The following RNF212 variants were observed in gnomAD, a reference collection of about 807,000 sequenced individuals.
The protein encoded by RNF212 is probable E3 SUMO-protein ligase RNF212.
RNF212 carries 33 observed loss-of-function variants against 34.7 expected under a neutral mutation model. The observed-to-expected ratio is 0.95, with a 90% CI of 0.72 to 1.27. The LOEUF (loss-of-function observed/expected upper bound fraction) is 1.27. RNF212 is among the 50% of genes most tolerant of loss of function. RNF212 has a pLI of 0.00. For missense variants in RNF212, 377 were observed against 362.2 expected (o/e 1.04, Z -0.33); for synonymous variants, 140 against 136.1 (o/e 1.03, Z -0.20).
Position 1,073,040 on chromosome 4 carries a change from C to T in RNF212, c.728G>A (p.Arg243Lys). The change falls in exon 10 of 10, where the codon AGG (arginine) becomes AAG (lysine). Residue 243 changes from arginine (R) to lysine (K), a missense_variant. By Grantham distance (26) the Arg-to-Lys change is conservative (BLOSUM62 2). Transcript: ENST00000433731. ...TTTAGAGTTGGTGAGTTCCCCGTGC[C>T]TTCCAGAACTGAACGCTAGGAGGAG... ...WLLLLAFSSG[R>K]HGELTNSKTL... 1 of 1,614,154 alleles carries T rather than the reference C, an allele frequency of 6.2e-7. No homozygotes were observed. The highest frequency in any genetic ancestry group is 8.5e-7 in the Non-Finnish European group (1 of 1,180,006).
intron 5 of RNF212, among the ~76,000 whole-genome samples, chr4:1,082,545 G>T (rs1315219023): frequency 6.6e-6 from 1 of 152,208 alleles, no homozygotes; most frequent in African/African-American, 2.4e-5. Flanking sequence ...ATAGGCAGTT[G>T]CACAACAGCT....
chr4:1,071,059 C>T (rs940716280), downstream of RNF212, among the ~76,000 whole-genome samples: 4 of 150,582 alleles, frequency 2.7e-5, no homozygotes, highest in East Asian at 1.9e-4. Context: ...ACTGTTATTA[C>T]AATTTTTTCT....
chr4:1,067,438 T>C (rs760137115), downstream of RNF212, among the ~76,000 whole-genome samples: 2 of 152,146 alleles, frequency 1.3e-5, no homozygotes, highest in Non-Finnish European at 2.9e-5. Context: ...TCTAACCATA[T>C]GTTGTCTATC....
At chr4:1,087,526 G>A (rs1028058667) in intron 4 of RNF212, among the ~76,000 whole-genome samples, 1 of 143,214 alleles carries the variant, frequency 7.0e-6, no homozygotes, top group African/African-American at 2.6e-5. Flanking sequence ...GATGAGGTGG[G>A]GGGGTGACAG....
At chr4:1,073,358 G>T (rs1718743356) in intron 9 of RNF212, among the ~76,000 whole-genome samples, 165 bp from the exon 10 acceptor site, 1 of 152,092 alleles carries the variant, frequency 6.6e-6, no homozygotes, top group African/African-American at 2.4e-5. Flanking sequence ...AAAACCAAGA[G>T]GACATAGAAT....
intron 1 of RNF212, among the ~76,000 whole-genome samples, chr4:1,110,203 A>G (rs548533038): frequency 6.6e-6 from 1 of 152,316 alleles, no homozygotes; most frequent in East Asian, 1.9e-4. Context: ...AATAGTGCTC[A>G]CTAGTCAATT....
intron 5 of RNF212, among the ~76,000 whole-genome samples, chr4:1,084,493 G>C (rs958189455): frequency 3.3e-5 from 5 of 152,062 alleles, no homozygotes; most frequent in Non-Finnish European, 7.4e-5. Flanking sequence ...ACTTTGGGAC[G>C]CTGAGGTGGG....
At chr4:1,061,990 T>A (rs1285131958) in intron 3 of RNF212, among the ~76,000 whole-genome samples, 1 of 152,062 alleles carries the variant, frequency 6.6e-6, no homozygotes, top group African/African-American at 2.4e-5. Flanking sequence ...TCCTAAGGAC[T>A]CCAGAGCGGC....
intron 5 of RNF212, among the ~76,000 whole-genome samples, chr4:1,082,360 A>G (rs1197006316): frequency 6.6e-6 from 1 of 152,146 alleles, no homozygotes; most frequent in African/African-American, 2.4e-5. Context: ...ACATGCTGAG[A>G]TGCACACGTA....
rs548671809 is a variant in RNF212 at position 1,104,829 on chromosome 4, G to A, written c.171+3514C>T. On this transcript the variant is annotated intron_variant, in intron 2 of 9. Transcript: ENST00000433731. ...CGTGTCTGCATCCTCGCCATGACCT[G>A]ACATCTAATGGCGGCACGGGGCAGG... Among the ~76,000 whole-genome samples the A allele has an allele frequency of 3.3e-5, 5 of 152,276 alleles. No homozygotes were observed. In the East Asian group the frequency reaches 7.7e-4, roughly 24 times the overall value.
chr4:1,113,607 G>A (rs926507318), upstream of RNF212: 12 of 552,508 alleles, frequency 2.2e-5, no homozygotes, highest in Non-Finnish European at 3.6e-5. Flanking sequence ...GCGCACTGGA[G>A]CTCGCGCCCT....
At chr4:1,097,732 C>T (rs1052765613) in intron 2 of RNF212, among the ~76,000 whole-genome samples, 3 of 152,142 alleles carry the variant, frequency 2.0e-5, no homozygotes, top group Admixed American at 6.5e-5. Flanking sequence ...AAACACTAGG[C>T]GACAGCTGTC....
chr4:1,086,725 T>G (rs1028215681), intron 4 of RNF212, among the ~76,000 whole-genome samples: 6 of 462 alleles, frequency 0.013, no homozygotes, highest in East Asian at 0.042. Context: ...AGGATGGGGT[T>G]GGGGAGAGAG....
At chr4:1,069,052 A>G (rs1381802266), downstream of RNF212, among the ~76,000 whole-genome samples, 1 of 152,164 alleles carries the variant, frequency 6.6e-6, no homozygotes, top group Admixed American at 6.5e-5. Flanking sequence ...TACTAAAAAT[A>G]CAAAAACAAT....
chr4:1,085,080 A>G (rs778012404), intron 5 of RNF212, among the ~76,000 whole-genome samples: 5 of 152,166 alleles, frequency 3.3e-5, no homozygotes, highest in South Asian at 2.1e-4. Flanking sequence ...CACACAGCCA[A>G]TGGGAGGCAG....
At chr4:1,077,098 C>T (rs1307070769) in intron 8 of RNF212, among the ~76,000 whole-genome samples, 2 of 152,150 alleles carry the variant, frequency 1.3e-5, no homozygotes, top group East Asian at 3.9e-4. Context: ...CATGGTGGTG[C>T]GTGCCTGTAG....
intron 3 of RNF212, among the ~76,000 whole-genome samples, chr4:1,092,333 G>A (rs531682645): frequency 1.4e-4 from 21 of 152,338 alleles, no homozygotes; most frequent in Middle Eastern, 3.4e-3. Context: ...TCTCCAAGGG[G>A]ACCTGAGCAG....
At chr4:1,074,521 T>A (rs939986469) in intron 8 of RNF212, among the ~76,000 whole-genome samples, 1 of 152,144 alleles carries the variant, frequency 6.6e-6, no homozygotes, top group Non-Finnish European at 1.5e-5. Context: ...TGTGTCCTCA[T>A]GGTCTCTCTA....
At chr4:1,093,513 C>T in intron 3 of RNF212, 2 of 1,510,564 alleles carry the variant, frequency 1.3e-6, no homozygotes, top group East Asian at 2.5e-5. Context: ...AACAGTGGGG[C>T]CACGAGGTCA....
Sources: allele counts gnomAD v4.1 joint callset (sites outside exome capture counted in the v4.1 genomes callset), GRCh38; gene constraint gnomAD v4.1.1; transcripts MANE v1.5; gene names NCBI Gene and HGNC (gene_info 2026-07-23, HGNC 2026-07-21).